The following MAPKAP1 variants were observed in gnomAD, a reference collection of about 807,000 sequenced individuals.
The protein encoded by MAPKAP1 is MAPK associated protein 1.
In MAPKAP1, 20 loss-of-function variants were observed where a neutral mutation model predicts 65.7. That is an observed-to-expected ratio of 0.30 (90% confidence interval 0.21 to 0.44). The LOEUF is 0.44. MAPKAP1 is among the 20% of genes least tolerant of loss of function. The pLI is 1.00. For missense variants in MAPKAP1, 423 were observed against 648.0 expected (o/e 0.65, Z 3.77); for synonymous variants, 222 against 244.3 (o/e 0.91, Z 0.85).
At chr9:125,675,089 A>G (rs1474286145) in intron 1 of MAPKAP1, among the ~76,000 whole-genome samples, 9 of 152,346 alleles carry the variant, frequency 5.9e-5, no homozygotes, top group African/African-American at 1.9e-4. Flanking sequence ...TTGTGGAAGC[A>G]TAGTATCACA....
At chr9:125,501,024 G>C (rs1239332941) in intron 8 of MAPKAP1, among the ~76,000 whole-genome samples, 1 of 152,160 alleles carries the variant, frequency 6.6e-6, no homozygotes, top group Non-Finnish European at 1.5e-5. Flanking sequence ...TATGGTACTA[G>C]ATATGGTATG....
intron 8 of MAPKAP1, among the ~76,000 whole-genome samples, chr9:125,494,311 C>G (rs1854853341): frequency 1.3e-5 from 2 of 152,160 alleles, no homozygotes; most frequent in Admixed American, 6.5e-5. Flanking sequence ...TTCATGCCCC[C>G]CGCCTGCCCA....
Position 125,698,327 on chromosome 9 carries a change from ATATATATAT to A in MAPKAP1, c.-70+8635_-70+8643del, listed in dbSNP as rs1564622618. On this transcript the variant is annotated intron_variant, in intron 1 of 11. Transcript: ENST00000265960. ...TATATATATATATATATATATATAT[ATATATATAT>A]AAAATATATATATTTTTTGAGATGG... Among the ~76,000 whole-genome samples the A allele has an allele frequency of 1.4e-4, 14 of 97,358 alleles. No individual in the cohort carries two copies. The East Asian group carries it at 3.1e-3, about 22-fold the overall frequency. The allele number at this position is 97,358 out of a possible 152,430, so 63.9% of individuals were successfully genotyped here. A position where few individuals can be genotyped will look rare whatever the true frequency, so the allele number is the denominator to read the frequency against.
chr9:125,663,493 A>C (rs1834248815), intron 3 of MAPKAP1, among the ~76,000 whole-genome samples: 1 of 152,110 alleles, frequency 6.6e-6, no homozygotes, highest in Non-Finnish European at 1.5e-5. Flanking sequence ...ATTCTTCTCC[A>C]TGCCATTTAC....
chr9:125,511,153 T>C (rs1829286433), intron 7 of MAPKAP1, among the ~76,000 whole-genome samples: 1 of 141,332 alleles, frequency 7.1e-6, no homozygotes, highest in Non-Finnish European at 1.5e-5. Context: ...AAGTATCAGC[T>C]ATCATCATCA....
intron 4 of MAPKAP1, among the ~76,000 whole-genome samples, chr9:125,644,258 T>A (rs1197920746): frequency 6.6e-6 from 1 of 152,200 alleles, no homozygotes; most frequent in Admixed American, 6.5e-5. Flanking sequence ...CAACCTACGT[T>A]AGCCCATTTA....
At chr9:125,457,899 G>A (rs554696417) in intron 10 of MAPKAP1, among the ~76,000 whole-genome samples, 2 of 152,318 alleles carry the variant, frequency 1.3e-5, no homozygotes, top group East Asian at 3.9e-4. Context: ...GCTCTTTCTA[G>A]AGCTCTTTCT....
intron 6 of MAPKAP1, among the ~76,000 whole-genome samples, chr9:125,547,713 T>C (rs1397190535): frequency 2.6e-5 from 4 of 152,092 alleles, no homozygotes; most frequent in Non-Finnish European, 5.9e-5. Context: ...GGCATTAAAA[T>C]GTGTGATTTG....
intron 5 of MAPKAP1, among the ~76,000 whole-genome samples, chr9:125,577,860 G>A (rs1181600032): frequency 2.7e-5 from 4 of 150,546 alleles, no homozygotes; most frequent in South Asian, 2.1e-4. Flanking sequence ...GCTGAGGGGC[G>A]CCTCTGCCCG....
At chr9:125,706,681 G>A (rs1029533682) in intron 1 of MAPKAP1, among the ~76,000 whole-genome samples, 15 of 152,014 alleles carry the variant, frequency 9.9e-5, no homozygotes, top group Admixed American at 7.2e-4. Flanking sequence ...AGGGCACCTA[G>A]ATATTGCCAA....
At chr9:125,693,656 C>T (rs117281766) in intron 1 of MAPKAP1, among the ~76,000 whole-genome samples, 25 of 128,906 alleles carry the variant, frequency 1.9e-4, no homozygotes, top group African/African-American at 7.4e-4. Flanking sequence ...TACACGTATA[C>T]ATACACACAC....
At chr9:125,572,532 T>A in intron 5 of MAPKAP1, among the ~76,000 whole-genome samples, 1 of 152,264 alleles carries the variant, frequency 6.6e-6, no homozygotes, top group East Asian at 1.9e-4. Context: ...CACTTTCTAC[T>A]AAATTCTAGC....
At chr9:125,444,419 TG>T (rs1852618858) in intron 11 of MAPKAP1, 81 bp downstream of exon 11, 10 of 1,073,786 alleles carry the variant, frequency 9.3e-6, no homozygotes, top group Non-Finnish European at 1.4e-5. Flanking sequence ...GCGGAGTGGG[TG>T]GGGCTGCGGC....
intron 9 of MAPKAP1, among the ~76,000 whole-genome samples, chr9:125,474,396 C>T (rs1405058346): frequency 6.6e-6 from 1 of 152,212 alleles, no homozygotes; most frequent in East Asian, 1.9e-4. Flanking sequence ...GAATCCTCAT[C>T]CTACTGGGTC....
At chr9:125,529,702 T>C (rs1277878395) in intron 7 of MAPKAP1, among the ~76,000 whole-genome samples, 6 of 152,012 alleles carry the variant, frequency 3.9e-5, no homozygotes, top group Admixed American at 3.9e-4. Flanking sequence ...ATTGGTTCGA[T>C]GACACAGTAG....
At chr9:125,700,028 A>G (rs1835548645) in intron 1 of MAPKAP1, among the ~76,000 whole-genome samples, 1 of 152,206 alleles carries the variant, frequency 6.6e-6, no homozygotes, top group Non-Finnish European at 1.5e-5. Context: ...CTCACTAAGG[A>G]CTATGTGAGA....
At chr9:125,521,842 G>T in intron 7 of MAPKAP1, 1 of 1,395,798 alleles carries the variant, frequency 7.2e-7, no homozygotes, top group South Asian at 1.2e-5. Flanking sequence ...TGAAAGTGGT[G>T]ACTCCAACCT....
intron 3 of MAPKAP1, among the ~76,000 whole-genome samples, chr9:125,667,657 C>G (rs10986834): frequency 0.02 from 2,991 of 152,302 alleles, 162 homozygotes; most frequent in East Asian, 0.15. Flanking sequence ...AACTGATCTG[C>G]CACCTTGGCC....
intron 5 of MAPKAP1, among the ~76,000 whole-genome samples, chr9:125,577,391 G>A (rs1223745550): frequency 5.3e-5 from 8 of 150,096 alleles, no homozygotes; most frequent in Admixed American, 6.6e-5. Context: ...GGGAGGTGGG[G>A]GGTCAGCCCC....
Sources: allele counts gnomAD v4.1 joint callset (sites outside exome capture counted in the v4.1 genomes callset), GRCh38; gene constraint gnomAD v4.1.1; transcripts MANE v1.5; gene names NCBI Gene and HGNC (gene_info 2026-07-23, HGNC 2026-07-21).